The following SCAI variants were observed in gnomAD, a reference collection of about 807,000 sequenced individuals.
SCAI encodes suppressor of cancer cell invasion.
SCAI carries 24 observed loss-of-function variants against 92.2 expected under a neutral mutation model. The ratio of observed to expected loss-of-function variants is 0.26; its 90% CI spans 0.19 to 0.37. The LOEUF (loss-of-function observed/expected upper bound fraction) is 0.37, where lower values mean the gene tolerates loss of function less well. SCAI is among the 10% of genes least tolerant of loss of function. The pLI is 1.00. For synonymous variants in SCAI, 261 were observed against 258.6 expected, an observed-to-expected ratio of 1.01 and a Z score of -0.09; for missense variants, 450 against 736.2, an observed-to-expected ratio of 0.61 and a Z score of 4.50.
At chr9:124,997,717 A>G (rs1464250913) in intron 13 of SCAI, among the ~76,000 whole-genome samples, 4 of 152,038 alleles carry the variant, frequency 2.6e-5, no homozygotes, top group African/African-American at 9.7e-5. Flanking sequence ...CTCTACTAAA[A>G]ATACAAAAAT....
At chr9:124,982,241 G>A (rs1190704750) in intron 14 of SCAI, among the ~76,000 whole-genome samples, 1 of 152,098 alleles carries the variant, frequency 6.6e-6, no homozygotes, top group East Asian at 1.9e-4. Flanking sequence ...TATTTGAGAA[G>A]GAAAAAGCAG....
At chr9:125,133,233 T>C (rs1247706629) in intron 2 of SCAI, among the ~76,000 whole-genome samples, 1 of 151,470 alleles carries the variant, frequency 6.6e-6, no homozygotes, top group Non-Finnish European at 1.5e-5. Flanking sequence ...CTACTAAAAA[T>C]ACAAAAATTC....
In SCAI at chr9:125,046,005, T is replaced by C. The variant is rs1344173962; in HGVS notation, c.230+9871A>G. On this transcript the variant is annotated intron_variant, in intron 3 of 17. Transcript: ENST00000336505. ...TATGGAAAACAGTGTGGAGATTCCT[T>C]AAATGACTAAAAGTAAAACTACCAT... is the stretch of plus-strand genomic sequence containing the variant. Among the ~76,000 whole-genome samples, 6 of 151,456 alleles carry C rather than the reference T, an allele frequency of 4.0e-5. No homozygotes were observed. In the East Asian group the frequency reaches 1.2e-3, roughly 30 times the overall value.
At chr9:125,085,019 C>T (rs1301105091) in intron 2 of SCAI, among the ~76,000 whole-genome samples, 1 of 152,148 alleles carries the variant, frequency 6.6e-6, no homozygotes, top group Non-Finnish European at 1.5e-5. Context: ...GGATAATGAG[C>T]ACTAACTATC....
rs941871756 is a variant in SCAI at position 125,033,463 on chromosome 9, T to C, written c.231-3724A>G. ...ATGGGAACTAGTAGAAAATAAGGTA[T>C]AACAACAACAACAACAACAACAACA... is the stretch of plus-strand genomic sequence containing the variant. On this transcript the variant is annotated intron_variant, in intron 3 of 17. Transcript: ENST00000336505. Among the ~76,000 whole-genome samples the C allele has an allele frequency of 7.9e-5, 12 of 151,740 alleles. No homozygotes were observed. The East Asian group carries it at 9.7e-4, about 12-fold the overall frequency.
intron 17 of SCAI, among the ~76,000 whole-genome samples, chr9:124,967,067 T>C (rs1260239647): frequency 6.6e-6 from 1 of 152,238 alleles, no homozygotes; most frequent in Non-Finnish European, 1.5e-5. Context: ...TGAGTTTTAA[T>C]GTCCTGGAGC....
At position 124,967,026 on chromosome 9, in the gene SCAI, G is replaced by C. The variant is rs547289702; in HGVS notation, c.1674+4344C>G. Among the ~76,000 whole-genome samples, 31 of 151,356 alleles carry C rather than the reference G, an allele frequency of 2.0e-4. 1 individual carries two copies. The South Asian group carries it at 6.2e-3, about 30-fold the overall frequency. The stretch of plus-strand genomic sequence containing the variant: ...CACTAATAAATCCTTCTTTAAGTAA[G>C]AAAATAATATAACATGAGCATAACT... On this transcript the variant is annotated intron_variant, in intron 17 of 17. Coordinates refer to ENST00000336505, the MANE Select transcript of SCAI (RefSeq NM_001144877.3).
At chr9:125,141,679 T>C (rs956292804) in intron 2 of SCAI, among the ~76,000 whole-genome samples, 1 of 152,218 alleles carries the variant, frequency 6.6e-6, no homozygotes, top group South Asian at 2.1e-4. Flanking sequence ...GCATATTTAT[T>C]AGCAGCATTA....
At chr9:124,961,013 T>C (rs1367086862) in intron 17 of SCAI, among the ~76,000 whole-genome samples, 1 of 151,708 alleles carries the variant, frequency 6.6e-6, no homozygotes, top group Non-Finnish European at 1.5e-5. Context: ...GTCCCAGCTA[T>C]TCAGGAGGCT....
At chr9:125,133,740 A>C (rs1484173337) in intron 2 of SCAI, among the ~76,000 whole-genome samples, 1 of 151,650 alleles carries the variant, frequency 6.6e-6, no homozygotes, top group East Asian at 1.9e-4. Context: ...CCTGTTCAAA[A>C]AACAAAAAAA....
chr9:125,053,671 T>C (rs1188514482), intron 3 of SCAI, among the ~76,000 whole-genome samples: 1 of 152,170 alleles, frequency 6.6e-6, no homozygotes, highest in Non-Finnish European at 1.5e-5. Context: ...TGGAAGAATG[T>C]AGAATCACTG....
chr9:125,121,247 T>C (rs1008896194), intron 2 of SCAI, among the ~76,000 whole-genome samples: 12 of 149,470 alleles, frequency 8.0e-5, no homozygotes, highest in African/African-American at 3.0e-4. Flanking sequence ...CTGCATCCTG[T>C]TTCAGTTGAG....
chr9:124,965,249 G>C (rs1006452204), intron 17 of SCAI, among the ~76,000 whole-genome samples: 10 of 152,000 alleles, frequency 6.6e-5, no homozygotes, highest in South Asian at 6.2e-4. Flanking sequence ...TGTATGTCGG[G>C]GGGGAATGGA....
chr9:125,060,584 G>A (rs1022443264), intron 2 of SCAI, among the ~76,000 whole-genome samples: 5 of 152,126 alleles, frequency 3.3e-5, no homozygotes, highest in African/African-American at 7.2e-5. Context: ...AGGGAACCAC[G>A]GGGAGGTAAT....
intron 2 of SCAI, among the ~76,000 whole-genome samples, chr9:125,108,588 CCGCCCGGCAGCCGCCCCG>C (rs1834862819): frequency 2.9e-5 from 4 of 137,206 alleles, no homozygotes; most frequent in Admixed American, 1.4e-4. Context: ...AGGAGCCCCT[CCGCCCGGCAGCCGCCCCG>C]TCTGAGAAGT....
Position 125,076,887 on chromosome 9 carries a change from G to A in SCAI, c.99-20880C>T, listed in dbSNP as rs563281219. 2.0e-4 allele frequency among the ~76,000 whole-genome samples: 31 copies of A among 152,216 alleles called. No homozygotes were observed. In the South Asian group the frequency reaches 6.4e-3, roughly 32 times the overall value. On this transcript the variant is annotated intron_variant, in intron 2 of 17. Coordinates refer to ENST00000336505, the MANE Select transcript of SCAI (RefSeq NM_001144877.3). ...GCTAATGCAAATTTTTAGTAGAGAC[G>A]GGGTTTCATTCACCATGTTGGCCAG...
At chr9:125,032,570 G>T (rs183214581) in intron 3 of SCAI, among the ~76,000 whole-genome samples, 1 of 149,988 alleles carries the variant, frequency 6.7e-6, no homozygotes, top group East Asian at 2.0e-4. Flanking sequence ...AAGGTATATT[G>T]TGAAGACACT....
At chr9:125,107,649 C>T (rs529693528) in intron 2 of SCAI, among the ~76,000 whole-genome samples, 12 of 152,266 alleles carry the variant, frequency 7.9e-5, no homozygotes, top group African/African-American at 2.2e-4. Flanking sequence ...GCCTGCAGTC[C>T]TAGCTACTCA....
chr9:125,141,132 A>C (rs1835656800), intron 2 of SCAI, among the ~76,000 whole-genome samples: 1 of 152,326 alleles, frequency 6.6e-6, no homozygotes, highest in Middle Eastern at 3.4e-3. Context: ...CTGATCAAGT[A>C]GCAGTTTCTC....
Sources: gnomAD v4.1 joint callset for allele counts (sites outside exome capture counted in the v4.1 genomes callset) on GRCh38, gnomAD v4.1.1 for gene constraint, MANE v1.5 for transcripts, NCBI Gene and HGNC (gene_info 2026-07-23, HGNC 2026-07-21) for gene names.